Variants in SLC24A2 observed in about 807,000 individuals in gnomAD.
SLC24A2 encodes solute carrier family 24 member 2.
A neutral mutation model predicts 62.0 loss-of-function variants in SLC24A2; 36 were observed. The observed-to-expected ratio is 0.58, with a 90% CI of 0.44 to 0.77. The LOEUF is 0.77. Among genes scored for constraint, SLC24A2 ranks in the 30% least tolerant of loss-of-function variants. The probability of loss-of-function intolerance (pLI) is 0.00; values close to 1 mark genes in which losing one functional copy is unlikely to be tolerated. For synonymous variants in SLC24A2, 358 were observed against 294.0 expected (o/e 1.22, Z -2.23); for missense variants, 846 against 817.9 (o/e 1.03, Z -0.42).
chr9:19,888,472 C>T, the SLC24A2 span, among the ~76,000 whole-genome samples: 1 of 152,292 alleles, frequency 6.6e-6, no homozygotes, highest in Non-Finnish European at 1.5e-5. Context: ...CCCCCAACCT[C>T]ATGTGTAATG....
chr9:20,279,128 T>A, the SLC24A2 span, among the ~76,000 whole-genome samples: 4 of 152,318 alleles, frequency 2.6e-5, no homozygotes, highest in African/African-American at 9.6e-5. Context: ...TCCCCATGAT[T>A]TGATTTTCTC....
At chr9:20,224,722 A>C in the SLC24A2 span, among the ~76,000 whole-genome samples, 1 of 151,968 alleles carries the variant, frequency 6.6e-6, no homozygotes, top group Non-Finnish European at 1.5e-5. Flanking sequence ...GGGAGGGAAG[A>C]GGAAAAAATA....
chr9:19,971,930 C>T, the SLC24A2 span, among the ~76,000 whole-genome samples: 2 of 152,078 alleles, frequency 1.3e-5, no homozygotes, highest in Admixed American at 1.3e-4. Flanking sequence ...AAACTGAAAC[C>T]CAGAGCTAGA....
At chr9:20,107,790 G>T in the SLC24A2 span, among the ~76,000 whole-genome samples, 1 of 152,030 alleles carries the variant, frequency 6.6e-6, no homozygotes, top group Non-Finnish European at 1.5e-5. Context: ...CATGGGCAAG[G>T]ACTTCATGTC....
intron 9 of SLC24A2, among the ~76,000 whole-genome samples, chr9:19,526,961 T>G (rs763267987): frequency 6.6e-6 from 1 of 152,176 alleles, no homozygotes; most frequent in Non-Finnish European, 1.5e-5. Flanking sequence ...TCTAGAAGTT[T>G]GACAGCTTTA....
At chr9:20,250,080 A>G in the SLC24A2 span, among the ~76,000 whole-genome samples, 2 of 152,246 alleles carry the variant, frequency 1.3e-5, no homozygotes, top group African/African-American at 4.8e-5. Context: ...CATGAGAACA[A>G]CAATAGCAAG....
the SLC24A2 span, among the ~76,000 whole-genome samples, chr9:20,083,287 A>G: frequency 6.6e-6 from 1 of 152,216 alleles, no homozygotes; most frequent in African/African-American, 2.4e-5. Context: ...GACTGCCTGC[A>G]TCTCCAGTTC....
chr9:19,702,560 C>T (rs1172220804), intron 2 of SLC24A2, among the ~76,000 whole-genome samples: 1 of 152,182 alleles, frequency 6.6e-6, no homozygotes, highest in Non-Finnish European at 1.5e-5. Flanking sequence ...AAAACTAGGG[C>T]TCCCAGAACT....
Position 19,561,736 on chromosome 9 carries a change from A to G in SLC24A2, c.1348-11468T>C, listed in dbSNP as rs573533021. Among the ~76,000 whole-genome samples, 6 of 152,212 alleles carry G rather than the reference A, an allele frequency of 3.9e-5. No homozygotes were observed. In the East Asian group the frequency reaches 1.2e-3, roughly 29 times the overall value. On this transcript the variant is annotated intron_variant, in intron 7 of 10. Coordinates refer to ENST00000341998, the MANE Select transcript of SLC24A2 (RefSeq NM_020344.4). The stretch of plus-strand genomic sequence containing the variant: ...TGAGCCACTGCTCCTGGCCGAAAAC[A>G]GACTTCTTAAAAATGATAAATCGTT...
At chr9:20,131,886 G>A in the SLC24A2 span, among the ~76,000 whole-genome samples, 914 of 152,258 alleles carry the variant, frequency 6.0e-3, 5 homozygotes, top group Non-Finnish European at 9.9e-3. Context: ...TCTGATGTAT[G>A]TAGCTAATGG....
At chr9:20,190,149 G>A in the SLC24A2 span, among the ~76,000 whole-genome samples, 1 of 152,184 alleles carries the variant, frequency 6.6e-6, no homozygotes, top group Non-Finnish European at 1.5e-5. Context: ...GGCAAAAGAG[G>A]CAAAATGAGC....
intron 8 of SLC24A2, among the ~76,000 whole-genome samples, chr9:19,535,274 T>C (rs192085036): frequency 1.3e-5 from 2 of 152,226 alleles, no homozygotes; most frequent in Non-Finnish European, 2.9e-5. Flanking sequence ...ATGGATAGAT[T>C]GCAAAATTTT....
chr9:19,806,418 A>C, the SLC24A2 span, among the ~76,000 whole-genome samples: 1 of 152,210 alleles, frequency 6.6e-6, no homozygotes, highest in Non-Finnish European at 1.5e-5. Context: ...TGAAATATAA[A>C]GGTTTGGGGT....
the SLC24A2 span, among the ~76,000 whole-genome samples, chr9:19,795,935 C>G: frequency 1.4e-5 from 1 of 70,038 alleles, no homozygotes; most frequent in Non-Finnish European, 5.9e-5. Context: ...GAATAATATA[C>G]AGCCATAAAA....
At chr9:20,214,767 G>A in the SLC24A2 span, among the ~76,000 whole-genome samples, 1 of 152,092 alleles carries the variant, frequency 6.6e-6, no homozygotes, top group Non-Finnish European at 1.5e-5. Context: ...CAGGGACTGT[G>A]TTCACCATAA....
chr9:20,257,336 C>G, the SLC24A2 span, among the ~76,000 whole-genome samples: 1 of 152,202 alleles, frequency 6.6e-6, no homozygotes, highest in Non-Finnish European at 1.5e-5. Context: ...CTAGAAACAT[C>G]AAGGTCCTGA....
the SLC24A2 span, among the ~76,000 whole-genome samples, chr9:19,813,668 AT>A: frequency 6.6e-6 from 1 of 152,068 alleles, no homozygotes; most frequent in Non-Finnish European, 1.5e-5. Flanking sequence ...GAATGTTTGC[AT>A]CCCCTCAAAA....
the SLC24A2 span, among the ~76,000 whole-genome samples, chr9:19,998,634 G>A: frequency 1.3e-5 from 2 of 152,170 alleles, no homozygotes; most frequent in Non-Finnish European, 2.9e-5. Flanking sequence ...ATCCCTTTGT[G>A]TGCTCCCACA....
the SLC24A2 span, among the ~76,000 whole-genome samples, chr9:19,866,321 G>A: frequency 2.6e-5 from 4 of 152,230 alleles, no homozygotes; most frequent in East Asian, 5.8e-4. Flanking sequence ...AATAGAACTA[G>A]CATAAAATCC....
Sources: gnomAD v4.1 joint callset for allele counts (sites outside exome capture counted in the v4.1 genomes callset) on GRCh38, gnomAD v4.1.1 for gene constraint, MANE v1.5 for transcripts, NCBI Gene and HGNC (gene_info 2026-07-23, HGNC 2026-07-21) for gene names.